CXCL17: variants seen among roughly 807,000 people sequenced by gnomAD.
The protein encoded by CXCL17 is C-X-C motif chemokine ligand 17.
Under a neutral mutation model 15.5 loss-of-function variants are expected in CXCL17, and 9 were observed. The observed-to-expected ratio is 0.58, with a 90% CI of 0.35 to 1.01. CXCL17 has a LOEUF of 1.01. CXCL17 is among the 50% of genes least tolerant of loss of function. The pLI, the probability that CXCL17 is intolerant of heterozygous loss-of-function variation, is 0.02. For synonymous variants in CXCL17, 52 were observed against 52.3 expected, an observed-to-expected ratio of 0.99 and a Z score of 0.02; for missense variants, 133 against 138.2, an observed-to-expected ratio of 0.96 and a Z score of 0.19.
In CXCL17 at chr19:42,428,916, A is replaced by G. The variant is rs995482836; in HGVS notation, c.328T>C (p.Cys110Arg). The G allele has an allele frequency of 4.3e-6, 7 of 1,614,010 alleles. No homozygotes were observed. The highest frequency in any genetic ancestry group is 5.1e-6 in the Non-Finnish European group (6 of 1,180,014). Residue 110 changes from cysteine to arginine, a missense_variant, in exon 4 of 4, where the codon TGT becomes CGT. Coordinates refer to ENST00000601181, the MANE Select transcript of CXCL17 (RefSeq NM_198477.3). ...GGCAGAGCAAAGCTTCTTAGCTGAC[A>G]TTGTTTGAGAAATTGCTGGCAGGCT... is the stretch of plus-strand genomic sequence containing the variant. The part of the protein sequence containing the change: ...SRACQQFLKQ[C>R]QLRSFALPL
At chr19:42,438,381 A>AAAAATATAT (rs1555793041) in intron 1 of CXCL17, among the ~76,000 whole-genome samples, 18 of 63,844 alleles carry the variant, frequency 2.8e-4, no homozygotes, top group African/African-American at 9.9e-4. Flanking sequence ...AAAAAAAAAA[A>AAAAATATAT]ATATATATAT....
chr19:42,433,728 C>T, intron 2 of CXCL17, 48 bp downstream of exon 2: 1 of 1,502,234 alleles, frequency 6.7e-7, no homozygotes, highest in Non-Finnish European at 9.3e-7. Flanking sequence ...AGGGAGAGAG[C>T]TGGGGTCATG....
chr19:42,440,133 T>C (rs753354666), intron 1 of CXCL17, among the ~76,000 whole-genome samples: 8 of 152,118 alleles, frequency 5.3e-5, no homozygotes, highest in Non-Finnish European at 1.0e-4. Context: ...AATGAGATAG[T>C]AAGTGTGAAG....
intron 3 of CXCL17, among the ~76,000 whole-genome samples, chr19:42,430,916 C>A (rs1568619402): frequency 6.6e-6 from 1 of 152,134 alleles, no homozygotes; most frequent in South Asian, 2.1e-4. Flanking sequence ...TGGCTCACTG[C>A]AACCTCTGCC....
intron 3 of CXCL17, among the ~76,000 whole-genome samples, chr19:42,430,720 T>C (rs1045485181): frequency 1.3e-5 from 2 of 152,198 alleles, no homozygotes; most frequent in Non-Finnish European, 2.9e-5. Context: ...TTATTTACTT[T>C]CTTTTCTTTA....
At chr19:42,434,790 T>C (rs1231913578) in intron 1 of CXCL17, among the ~76,000 whole-genome samples, 1 of 152,200 alleles carries the variant, frequency 6.6e-6, no homozygotes, top group East Asian at 1.9e-4. Context: ...TATTTACCTT[T>C]GTTCCTCTGG....
intron 2 of CXCL17, 77 bp downstream of exon 2, chr19:42,433,699 T>C (rs2040805796): frequency 3.3e-6 from 4 of 1,211,134 alleles, no homozygotes; most frequent in South Asian, 2.4e-5. Context: ...AACATCTGCA[T>C]TGGTCTCAGA....
chr19:42,432,441 G>A (rs142320286), intron 3 of CXCL17, among the ~76,000 whole-genome samples: 15 of 152,086 alleles, frequency 9.9e-5, no homozygotes, highest in African/African-American at 3.4e-4. Context: ...CACTGTGCCC[G>A]GCTGCCAATT....
chr19:42,433,323 G>A (rs1235284980), intron 2 of CXCL17, among the ~76,000 whole-genome samples: 2 of 152,098 alleles, frequency 1.3e-5, no homozygotes, highest in African/African-American at 4.8e-5. Flanking sequence ...AGGTTTGGAG[G>A]GTGCATCAGA....
chr19:42,441,056 G>A (rs1443466149), intron 1 of CXCL17, among the ~76,000 whole-genome samples: 1 of 152,202 alleles, frequency 6.6e-6, no homozygotes, highest in Non-Finnish European at 1.5e-5. Flanking sequence ...TGAAGCCCTG[G>A]TTTGATTTAG....
chr19:42,432,910 TGC>T, intron 3 of CXCL17, 64 bp downstream of exon 3: 1 of 1,195,112 alleles, frequency 8.4e-7, no homozygotes. Flanking sequence ...ATTCTCAACG[TGC>T]TTCTTCCCTA....
chr19:42,441,339 G>A (rs936113912), intron 1 of CXCL17, among the ~76,000 whole-genome samples: 7 of 152,174 alleles, frequency 4.6e-5, no homozygotes, highest in African/African-American at 1.7e-4. Flanking sequence ...GCTGTGGGAA[G>A]GTGGTTTTGA....
At chr19:42,440,243 T>G (rs988504450) in intron 1 of CXCL17, among the ~76,000 whole-genome samples, 6 of 152,110 alleles carry the variant, frequency 3.9e-5, no homozygotes, top group Admixed American at 2.6e-4. Flanking sequence ...TAATCTGTTA[T>G]TTTAAGTAAT....
At chr19:42,435,084 C>T (rs1301951257) in intron 1 of CXCL17, among the ~76,000 whole-genome samples, 1 of 151,448 alleles carries the variant, frequency 6.6e-6, no homozygotes, top group Non-Finnish European at 1.5e-5. Context: ...GAGGCTGAGG[C>T]AGGAGAATCT....
At chr19:42,432,396 C>T (rs1367265810) in intron 3 of CXCL17, among the ~76,000 whole-genome samples, 4 of 152,230 alleles carry the variant, frequency 2.6e-5, no homozygotes, top group South Asian at 2.1e-4. Context: ...CCGCCTGCCT[C>T]GGCCTCCCAA....
At chr19:42,431,242 C>T (rs1036742010) in intron 3 of CXCL17, among the ~76,000 whole-genome samples, 1 of 152,206 alleles carries the variant, frequency 6.6e-6, no homozygotes, top group Non-Finnish European at 1.5e-5. Flanking sequence ...AGTGGCTATT[C>T]AAGTATTTTT....
intron 1 of CXCL17, among the ~76,000 whole-genome samples, chr19:42,442,207 A>G (rs1045779330): frequency 2.7e-5 from 4 of 147,606 alleles, no homozygotes; most frequent in Non-Finnish European, 6.0e-5. Flanking sequence ...ACAATTGCAG[A>G]TATCTTCTTT....
chr19:42,441,320 C>T (rs2040890164), intron 1 of CXCL17, among the ~76,000 whole-genome samples: 1 of 152,124 alleles, frequency 6.6e-6, no homozygotes, highest in African/African-American at 2.4e-5. Context: ...GTGGGAGGAA[C>T]TGAAGGAAGC....
chr19:42,436,003 A>C (rs1348364887), intron 1 of CXCL17, among the ~76,000 whole-genome samples: 2 of 152,078 alleles, frequency 1.3e-5, no homozygotes, highest in Admixed American at 1.3e-4. Context: ...GTGAGGAATA[A>C]ATTTCTCTTG....
Sources: gnomAD v4.1 joint callset for allele counts (sites outside exome capture counted in the v4.1 genomes callset) on GRCh38, gnomAD v4.1.1 for gene constraint, MANE v1.5 for transcripts, NCBI Gene and HGNC (gene_info 2026-07-23, HGNC 2026-07-21) for gene names.